UCK2: variants seen among roughly 807,000 people sequenced by gnomAD.
The protein encoded by UCK2 is uridine-cytidine kinase 2, also known as cytidine monophosphokinase 2.
In UCK2, 6 loss-of-function variants were observed where a neutral mutation model predicts 30.8. That is an observed-to-expected ratio of 0.19 (90% CI 0.11 to 0.38). The LOEUF (loss-of-function observed/expected upper bound fraction) is 0.38. Among genes scored for constraint, UCK2 ranks in the 10% least tolerant of loss-of-function variants. The pLI, the probability that UCK2 is intolerant of heterozygous loss-of-function variation, is 1.00. For missense variants in UCK2, 210 were observed against 339.8 expected (o/e 0.62, Z 3.00); for synonymous variants, 125 against 133.6 (o/e 0.94, Z 0.45).
At chr1:165,864,448 G>A (rs1224624918) in intron 1 of UCK2, among the ~76,000 whole-genome samples, 1 of 151,958 alleles carries the variant, frequency 6.6e-6, no homozygotes, top group Non-Finnish European at 1.5e-5. Context: ...ATGGGGTTTA[G>A]GATTTCACCT....
intron 1 of UCK2, among the ~76,000 whole-genome samples, chr1:165,830,746 G>A (rs1654027607): frequency 6.6e-6 from 1 of 152,080 alleles, no homozygotes; most frequent in African/African-American, 2.4e-5. Context: ...TATTAAAAAA[G>A]TCCAAGACTG....
At chr1:165,845,056 C>G (rs1654416075) in intron 1 of UCK2, among the ~76,000 whole-genome samples, 1 of 152,220 alleles carries the variant, frequency 6.6e-6, no homozygotes, top group African/African-American at 2.4e-5. Context: ...TTAAAAACCT[C>G]TGTCAGAAGC....
intron 1 of UCK2, among the ~76,000 whole-genome samples, chr1:165,838,499 T>G (rs1241875774): frequency 6.6e-6 from 1 of 152,212 alleles, no homozygotes; most frequent in Non-Finnish European, 1.5e-5. Flanking sequence ...TATTTAAAAT[T>G]GTAAACATTA....
At chr1:165,839,118 A>G (rs1051674615) in intron 1 of UCK2, among the ~76,000 whole-genome samples, 1 of 152,182 alleles carries the variant, frequency 6.6e-6, no homozygotes, top group African/African-American at 2.4e-5. Flanking sequence ...CGTATTGTCA[A>G]GCTCTTAAAG....
intron 1 of UCK2, among the ~76,000 whole-genome samples, chr1:165,880,242 G>A (rs1400630496): frequency 6.6e-6 from 1 of 152,130 alleles, no homozygotes; most frequent in Non-Finnish European, 1.5e-5. Flanking sequence ...TACCCAGAAG[G>A]ACTTCAGTTC....
At chr1:165,869,726 T>C (rs1172266699) in intron 1 of UCK2, among the ~76,000 whole-genome samples, 1 of 139,460 alleles carries the variant, frequency 7.2e-6, no homozygotes, top group Non-Finnish European at 1.5e-5. Flanking sequence ...TGGAGTGCAG[T>C]GTGTCGTGAT....
chr1:165,899,726 G>C (rs1352299306), intron 4 of UCK2, among the ~76,000 whole-genome samples: 1 of 152,196 alleles, frequency 6.6e-6, no homozygotes, highest in Non-Finnish European at 1.5e-5. Flanking sequence ...AGCCCCTGGG[G>C]TTTCCAGGTT....
At chr1:165,854,735 G>A (rs916435911) in intron 1 of UCK2, among the ~76,000 whole-genome samples, 55 of 151,988 alleles carry the variant, frequency 3.6e-4, no homozygotes, top group Admixed American at 9.8e-4. Context: ...AGTCCTTTAC[G>A]CTGAAGCAGC....
intron 1 of UCK2, among the ~76,000 whole-genome samples, chr1:165,882,884 G>A (rs551791386): frequency 2.6e-4 from 40 of 152,234 alleles, no homozygotes; most frequent in Non-Finnish European, 4.6e-4. Context: ...GAGTGCAGTG[G>A]CATGATCTCA....
At position 165,865,184 on chromosome 1, in the gene UCK2, G is replaced by A. The variant is rs77057230; in HGVS notation, c.100-25020G>A. On this transcript the variant is annotated intron_variant, in intron 1 of 6. Coordinates refer to ENST00000367879, the MANE Select transcript of UCK2 (RefSeq NM_012474.5). ...ATGTAGTTTGTTAATCCACTTTTGT[G>A]CAATGACGGGCATCTTCCTAAGTTA... Among the ~76,000 whole-genome samples, 22 of 152,286 alleles carry A rather than the reference G, an allele frequency of 1.4e-4. No individual in the cohort carries two copies. The East Asian group carries it at 3.9e-3, about 27-fold the overall frequency.
At chr1:165,885,624 G>A (rs187417464) in intron 1 of UCK2, among the ~76,000 whole-genome samples, 3 of 152,216 alleles carry the variant, frequency 2.0e-5, no homozygotes, top group Non-Finnish European at 4.4e-5. Flanking sequence ...CTGAACTCAC[G>A]CTCCAGTGGG....
chr1:165,887,078 C>T (rs4656464), intron 1 of UCK2, among the ~76,000 whole-genome samples: 28,269 of 152,194 alleles, frequency 0.19, 2,954 homozygotes, highest in South Asian at 0.4. Context: ...CTCTATGAAA[C>T]CACATTACTT....
intron 1 of UCK2, among the ~76,000 whole-genome samples, chr1:165,880,563 G>GT (rs1557843895): frequency 1.5e-3 from 9 of 5,878 alleles, no homozygotes; most frequent in Admixed American, 5.9e-3. Context: ...AGTTTTTTTT[G>GT]GGGGTGTGTG....
chr1:165,895,624 C>T (rs1655878016), intron 3 of UCK2: 1 of 985,664 alleles, frequency 1.0e-6, no homozygotes, highest in Non-Finnish European at 1.2e-6. Context: ...TTCTGTACTT[C>T]CTCACAAATG....
intron 1 of UCK2, among the ~76,000 whole-genome samples, chr1:165,843,848 G>A (rs1178838859): frequency 1.3e-5 from 2 of 152,204 alleles, no homozygotes; most frequent in African/African-American, 4.8e-5. Flanking sequence ...AGTGCCTACT[G>A]CAACTCTCTT....
chr1:165,834,103 G>A (rs1164068215), intron 1 of UCK2, among the ~76,000 whole-genome samples: 1 of 152,050 alleles, frequency 6.6e-6, no homozygotes, highest in East Asian at 1.9e-4. Context: ...TTAATACTTG[G>A]TGAGTCTTGG....
chr1:165,883,676 G>A (rs779512334), intron 1 of UCK2, among the ~76,000 whole-genome samples: 2 of 152,156 alleles, frequency 1.3e-5, no homozygotes, highest in Non-Finnish European at 2.9e-5. Flanking sequence ...CTCCTAGTCA[G>A]CAATGCATGG....
intron 3 of UCK2, chr1:165,895,665 T>A: frequency 1.0e-6 from 1 of 985,628 alleles, no homozygotes; most frequent in Non-Finnish European, 1.2e-6. Flanking sequence ...TTCCCAAAAC[T>A]TTTCTTTATT....
At position 165,910,260 on chromosome 1, in the gene UCK2, AC is replaced by A; in HGVS notation, c.*2438del. On this transcript the variant is annotated 3_prime_UTR_variant, in exon 7 of 7. Transcript: ENST00000367879. ...TGAACTTGAGCTTTCTATGGAACAA[AC>A]AATGGTCTTAGTTTTTTAAGAGCCT... 1 of 152,334 alleles carries A rather than the reference AC, an allele frequency of 6.6e-6. No homozygotes were observed. Among genetic ancestry groups the A allele is most frequent in the South Asian group, 2.1e-4 (1 of 4,830 alleles). The allele number at this position is 152,334 out of a possible 1,614,324, so 9.4% of individuals were successfully genotyped here.
Sources: gnomAD v4.1 joint callset for allele counts (sites outside exome capture counted in the v4.1 genomes callset) on GRCh38, gnomAD v4.1.1 for gene constraint, MANE v1.5 for transcripts, NCBI Gene and HGNC (gene_info 2026-07-23, HGNC 2026-07-21) for gene names.